Variants in B4GALT5 observed in about 807,000 individuals in gnomAD.
B4GALT5 encodes UDP-Gal:beta-GlcNAc beta-1,4-galactosyltransferase 5.
B4GALT5 carries 11 observed loss-of-function variants against 45.0 expected under a neutral mutation model. That is an observed-to-expected ratio of 0.24 (90% CI 0.15 to 0.40). B4GALT5 has a LOEUF of 0.40. Among genes scored for constraint, B4GALT5 ranks in the 10% least tolerant of loss-of-function variants. The pLI is 1.00. For missense variants in B4GALT5, 337 were observed against 500.2 expected (o/e 0.67, Z 3.11); for synonymous variants, 185 against 182.9 (o/e 1.01, Z -0.09).
chr20:49,660,000 G>A (rs932163849), intron 1 of B4GALT5, among the ~76,000 whole-genome samples: 6 of 152,074 alleles, frequency 3.9e-5, no homozygotes, highest in Non-Finnish European at 1.5e-5. Context: ...GGCTGGCCCA[G>A]TCACTTTTGC....
Position 49,642,727 on chromosome 20 carries a change from T to C in B4GALT5, c.490-143A>G, listed in dbSNP as rs548647735. Reference sequence around the variant, plus strand: ...GTCCTCAGCTTTCTCTAAACAAAGATCTATGTTGGCAAGTTGGCCCTTGGA... The same window carrying C: ...GTCCTCAGCTTTCTCTAAACAAAGACCTATGTTGGCAAGTTGGCCCTTGGA... On this transcript the variant is annotated intron_variant, in intron 4 of 8. Coordinates refer to ENST00000371711, the MANE Select transcript of B4GALT5 (RefSeq NM_004776.4). The C allele has an allele frequency of 3.3e-5, 21 of 645,252 alleles. No homozygotes were observed. The South Asian group carries it at 4.1e-4, about 13-fold the overall frequency. 40.0% of individuals were successfully genotyped at this position (645,252 alleles called of 1,614,324 possible).
intron 2 of B4GALT5, 36 bp downstream of exon 2, chr20:49,656,532 C>T (rs2085643727): frequency 1.2e-6 from 2 of 1,611,266 alleles, no homozygotes; most frequent in Middle Eastern, 1.6e-4. Context: ...TGGGAGGAGA[C>T]ATTCTAATCA....
intron 1 of B4GALT5, among the ~76,000 whole-genome samples, chr20:49,670,885 A>G (rs1315460765): frequency 6.6e-6 from 1 of 152,194 alleles, no homozygotes; most frequent in Non-Finnish European, 1.5e-5. Flanking sequence ...ACTTTCAGGT[A>G]TTCATCCTAA....
Position 49,636,023 on chromosome 20 carries a change from T to G in B4GALT5, c.*289A>C. The G allele has an allele frequency of 1.3e-5, 5 of 378,588 alleles. No individual in the cohort carries two copies. Among genetic ancestry groups the G allele is most frequent in the Admixed American group, 4.0e-5 (1 of 25,164 alleles). The allele number at this position is 378,588 out of a possible 1,614,324, so 23.5% of individuals were successfully genotyped here. A position where few individuals can be genotyped will look rare whatever the true frequency, so the allele number is the denominator to read the frequency against. ...TCTGGAGACTGCGGCTAAGACAGGATGTGGGGTAGGAGATGGGGAGAGAGC... is the reference window on the plus strand; with the variant it reads ...TCTGGAGACTGCGGCTAAGACAGGAGGTGGGGTAGGAGATGGGGAGAGAGC... On this transcript the variant is annotated 3_prime_UTR_variant, in exon 9 of 9. Transcript: ENST00000371711.
At chr20:49,707,856 C>G (rs1376715100) in intron 1 of B4GALT5, among the ~76,000 whole-genome samples, 1 of 151,518 alleles carries the variant, frequency 6.6e-6, no homozygotes, top group Non-Finnish European at 1.5e-5. Context: ...ACAAGGAATC[C>G]GCCCATCTTG....
chr20:49,638,614 CAG>C (rs1281730016), intron 7 of B4GALT5, among the ~76,000 whole-genome samples: 2 of 151,908 alleles, frequency 1.3e-5, no homozygotes, highest in Admixed American at 6.6e-5. Context: ...GCATTTAGTA[CAG>C]AGAACACTGG....
chr20:49,683,670 C>T (rs1455403347), intron 1 of B4GALT5, among the ~76,000 whole-genome samples: 3 of 151,492 alleles, frequency 2.0e-5, no homozygotes, highest in Admixed American at 1.3e-4. Context: ...CTCGGCCTCC[C>T]GAATGCTGGG....
intron 1 of B4GALT5, among the ~76,000 whole-genome samples, chr20:49,700,129 C>G (rs1170265609): frequency 6.6e-6 from 1 of 152,174 alleles, no homozygotes; most frequent in Non-Finnish European, 1.5e-5. Context: ...CCCTCAAAAT[C>G]ATCTTAGGAG....
chr20:49,663,341 T>G (rs962189376), intron 1 of B4GALT5, among the ~76,000 whole-genome samples: 2 of 151,978 alleles, frequency 1.3e-5, no homozygotes, highest in African/African-American at 4.8e-5. Flanking sequence ...TCAACAAAAT[T>G]TACCTTCCCC....
chr20:49,641,149 T>C (rs1003507960), intron 5 of B4GALT5, among the ~76,000 whole-genome samples: 7 of 152,140 alleles, frequency 4.6e-5, no homozygotes, highest in African/African-American at 1.7e-4. Context: ...ACTGGACCTC[T>C]GGCCCCAATT....
rs183508879 is a variant in B4GALT5 at position 49,637,111 on chromosome 20, A to C, written c.1019+230T>G. 1.8e-3 allele frequency among the ~76,000 whole-genome samples: 271 copies of C among 152,310 alleles called. 11 individuals are homozygous for C. In the South Asian group the frequency reaches 0.055, roughly 31 times the overall value. On this transcript the variant is annotated intron_variant, in intron 8 of 8. Coordinates refer to ENST00000371711, the MANE Select transcript of B4GALT5 (RefSeq NM_004776.4). The stretch of plus-strand genomic sequence containing the variant: ...CTGTGGAGACCACAAGGCTGAAGAC[A>C]TAGGACAAGTGATTTCCTTCGAAGA...
At chr20:49,663,706 T>A (rs868202557) in intron 1 of B4GALT5, among the ~76,000 whole-genome samples, 8,187 of 49,782 alleles carry the variant, frequency 0.16, 1,037 homozygotes, top group East Asian at 0.31. Flanking sequence ...TACATATATA[T>A]ATATATATAT....
At chr20:49,643,488 G>A (rs570510982) in intron 4 of B4GALT5, 38 bp downstream of exon 4, 1 of 1,609,814 alleles carries the variant, frequency 6.2e-7, no homozygotes, top group South Asian at 1.1e-5. Flanking sequence ...AACCCCAGGT[G>A]GGCTTCTCAG....
chr20:49,676,441 A>T (rs1415069338), intron 1 of B4GALT5, among the ~76,000 whole-genome samples: 2 of 152,228 alleles, frequency 1.3e-5, no homozygotes, highest in Non-Finnish European at 2.9e-5. Context: ...TTATGTCTGC[A>T]TTTGTGCTAA....
Position 49,636,347 on chromosome 20 carries a change from G to C in B4GALT5, c.1132C>G (p.Leu378Val), listed in dbSNP as rs6095593. Residue 378 changes from leucine (L) to valine (V), a missense_variant, in exon 9 of 9, where the codon CTG becomes GTG. By Grantham distance (32) the Leu-to-Val change is conservative. Transcript: ENST00000371711. ...TTCACCTGAGCCAGCTCGGGTGTCA[G>C]GTTGACAGTTATGTTTTTATACAAG... ...DALYKNITVNLTPELAQVNEY is the reference protein window; with the variant it reads ...DALYKNITVNVTPELAQVNEY 6 of 1,614,116 alleles carry C rather than the reference G, an allele frequency of 3.7e-6. No individual in the cohort carries two copies. The South Asian group carries it at 6.6e-5, about 18-fold the overall frequency.
Position 49,713,699 on chromosome 20 carries a change from C to T in B4GALT5, c.-9G>A. 3.6e-6 allele frequency: 5 copies of T among 1,370,698 alleles called. No individual in the cohort carries two copies. Among genetic ancestry groups the T allele is most frequent in the Admixed American group, 2.6e-5 (1 of 38,638 alleles). 84.9% of individuals were successfully genotyped at this position (1,370,698 alleles called of 1,614,324 possible). On this transcript the variant is annotated 5_prime_UTR_variant, in exon 1 of 9. Transcript: ENST00000371711. Reference sequence around the variant, plus strand: ...CCCCGGCGGGCGCGCATGCTGCAGCCAGGCGGCCGCTAGAGAGCCAGGCCG... The same window carrying T: ...CCCCGGCGGGCGCGCATGCTGCAGCTAGGCGGCCGCTAGAGAGCCAGGCCG...
At chr20:49,685,988 G>A (rs1199671159) in intron 1 of B4GALT5, among the ~76,000 whole-genome samples, 2 of 151,880 alleles carry the variant, frequency 1.3e-5, no homozygotes, top group Non-Finnish European at 2.9e-5. Context: ...CTGAGCTGCT[G>A]CTGTAACATC....
intron 1 of B4GALT5, among the ~76,000 whole-genome samples, chr20:49,712,837 TGG>T (rs765196296): frequency 0.025 from 1,066 of 42,734 alleles, 46 homozygotes; most frequent in African/African-American, 0.086. Context: ...GTACGCGAGG[TGG>T]GGGGGGGGGA....
intron 7 of B4GALT5, among the ~76,000 whole-genome samples, 165 bp from the exon 8 acceptor site, chr20:49,637,607 C>T (rs1469195555): frequency 6.6e-6 from 1 of 152,100 alleles, no homozygotes; most frequent in Non-Finnish European, 1.5e-5. Flanking sequence ...TGAGTTAAAA[C>T]TCAATTTTAA....
Sources: gnomAD v4.1 joint callset for allele counts (sites outside exome capture counted in the v4.1 genomes callset) on GRCh38, gnomAD v4.1.1 for gene constraint, MANE v1.5 for transcripts, NCBI Gene and HGNC (gene_info 2026-07-23, HGNC 2026-07-21) for gene names.